RAPGEF6: variants seen among roughly 807,000 people sequenced by gnomAD.
RAPGEF6 encodes the protein Rap guanine nucleotide exchange factor 6, also known as PDZ domain containing guanine nucleotide exchange factor (GEF) 2.
RAPGEF6 carries 56 observed loss-of-function variants against 171.4 expected under a neutral mutation model. That is an observed-to-expected ratio of 0.33 (90% confidence interval 0.26 to 0.41). The LOEUF is 0.41. Ranked by LOEUF, RAPGEF6 falls within the 10% of genes least tolerant of loss-of-function variation. The pLI is 1.00. For synonymous variants in RAPGEF6, 692 were observed against 650.1 expected (o/e 1.06, Z -0.98); for missense variants, 1,674 against 1,921.4 (o/e 0.87, Z 2.41).
intron 17 of RAPGEF6, among the ~76,000 whole-genome samples, chr5:131,465,089 T>C (rs573091487): frequency 6.6e-6 from 1 of 152,274 alleles, no homozygotes; most frequent in African/African-American, 2.4e-5. Context: ...GTATCCCTTA[T>C]GTTTTTTTCC....
intron 15 of RAPGEF6, among the ~76,000 whole-genome samples, chr5:131,482,062 G>A (rs1300987164): frequency 6.6e-6 from 1 of 152,126 alleles, no homozygotes; most frequent in African/African-American, 2.4e-5. Context: ...GTATTCACTT[G>A]TAAATCTGGA....
intron 15 of RAPGEF6, among the ~76,000 whole-genome samples, chr5:131,481,075 A>G (rs1268325284): frequency 1.3e-5 from 2 of 151,980 alleles, no homozygotes; most frequent in Non-Finnish European, 2.9e-5. Context: ...ACAGACATGC[A>G]TCACCACACC....
rs1765800430 is a variant in RAPGEF6 at position 131,624,696 on chromosome 5, CA to C, written c.69+10265del. On this transcript the variant is annotated intron_variant, in intron 1 of 27. Transcript: ENST00000509018. ...TCAAAGGCACAAAGAAAAAAATCTG[CA>C]ATGACAGAACCAGAAGAGTGGTTTC... Among the ~76,000 whole-genome samples the C allele has an allele frequency of 2.0e-5, 3 of 152,286 alleles. No individual in the cohort carries two copies. In the South Asian group the frequency reaches 6.2e-4, roughly 32 times the overall value.
At chr5:131,465,508 G>C (rs1050581069) in intron 17 of RAPGEF6, among the ~76,000 whole-genome samples, 2 of 152,064 alleles carry the variant, frequency 1.3e-5, no homozygotes, top group Non-Finnish European at 2.9e-5. Flanking sequence ...ATACAGGCTG[G>C]GTATGACTCA....
At chr5:131,544,447 CA>C (rs3058500) in intron 6 of RAPGEF6, among the ~76,000 whole-genome samples, 8 of 151,602 alleles carry the variant, frequency 5.3e-5, no homozygotes, top group East Asian at 1.9e-4. Context: ...CCCACCCCCC[CA>C]AAAAAAATCC....
chr5:131,428,738 A>G (rs933643119), intron 27 of RAPGEF6, among the ~76,000 whole-genome samples, 164 bp downstream of exon 27: 3 of 152,186 alleles, frequency 2.0e-5, no homozygotes, highest in African/African-American at 7.2e-5. Flanking sequence ...CTGGGATTAC[A>G]GGTGTGAGCC....
At chr5:131,532,391 C>G (rs1385403698) in intron 6 of RAPGEF6, 2 of 220,442 alleles carry the variant, frequency 9.1e-6, no homozygotes, top group Non-Finnish European at 1.9e-5. Context: ...AATTCTGGCT[C>G]AGAATATACA....
intron 23 of RAPGEF6, among the ~76,000 whole-genome samples, 193 bp downstream of exon 23, chr5:131,442,156 T>A (rs1752426034): frequency 6.6e-6 from 1 of 152,252 alleles, no homozygotes; most frequent in Non-Finnish European, 1.5e-5. Context: ...AAATTCAATG[T>A]TGGCATTTAA....
chr5:131,634,579 A>T (rs1352915537), intron 1 of RAPGEF6, among the ~76,000 whole-genome samples: 1 of 152,172 alleles, frequency 6.6e-6, no homozygotes, highest in Non-Finnish European at 1.5e-5. Flanking sequence ...TTAAAGAAAA[A>T]CTATTTCTAA....
chr5:131,485,996 A>G (rs374795523), intron 15 of RAPGEF6, among the ~76,000 whole-genome samples: 5 of 152,290 alleles, frequency 3.3e-5, no homozygotes, highest in African/African-American at 1.2e-4. Context: ...AGTATCCTCT[A>G]AAGAACATAT....
intron 5 of RAPGEF6, 32 bp downstream of exon 5, chr5:131,561,945 CA>C: frequency 6.6e-7 from 1 of 1,511,572 alleles, no homozygotes; most frequent in South Asian, 1.2e-5. Context: ...TGAAGCATAT[CA>C]AAAACAATTC....
chr5:131,584,336 A>G (rs1044694032), intron 4 of RAPGEF6, among the ~76,000 whole-genome samples: 1 of 152,240 alleles, frequency 6.6e-6, no homozygotes, highest in Non-Finnish European at 1.5e-5. Flanking sequence ...AGTTATAACC[A>G]TAAGAAAATT....
chr5:131,621,100 G>A (rs1343824572), intron 1 of RAPGEF6, among the ~76,000 whole-genome samples: 1 of 152,136 alleles, frequency 6.6e-6, no homozygotes, highest in East Asian at 1.9e-4. Context: ...CTTGGCATAT[G>A]CTGTTACCCT....
intron 4 of RAPGEF6, among the ~76,000 whole-genome samples, chr5:131,569,436 A>G (rs566997748): frequency 6.6e-6 from 1 of 152,366 alleles, no homozygotes; most frequent in African/African-American, 2.4e-5. Context: ...CTGATTTTCA[A>G]CAAAGGTACC....
intron 1 of RAPGEF6, among the ~76,000 whole-genome samples, chr5:131,614,133 T>A (rs564132323): frequency 1.3e-5 from 2 of 151,880 alleles, no homozygotes; most frequent in South Asian, 2.1e-4. Context: ...AATACAAAGA[T>A]TAGCTGAGCG....
rs538365274 is a variant in RAPGEF6 at position 131,613,263 on chromosome 5, A to G, written c.70-8570T>C. Among the ~76,000 whole-genome samples, 5 of 152,292 alleles carry G rather than the reference A, an allele frequency of 3.3e-5. No individual in the cohort carries two copies. In the South Asian group the frequency reaches 1.0e-3, roughly 32 times the overall value. On this transcript the variant is annotated intron_variant, in intron 1 of 27. Coordinates refer to ENST00000509018, the MANE Select transcript of RAPGEF6 (RefSeq NM_016340.6). ...GTCTCTACTAAACATACAAAGAATT[A>G]GCCGGGCATGGTGGCGGGCGCCTAC...
chr5:131,592,345 C>T (rs1230673115), intron 4 of RAPGEF6, 38 bp downstream of exon 4: 2 of 1,603,526 alleles, frequency 1.2e-6, no homozygotes. Flanking sequence ...AATAGTTTAA[C>T]ATTAACTTTG....
In RAPGEF6 at chr5:131,446,556, G is replaced by A. The variant is rs1440815256; in HGVS notation, c.3348C>T (p.Ser1116=). The change falls in exon 22 of 28, where the codon TCC becomes TCT. Residue 1116 remains serine, a synonymous_variant. Coordinates refer to ENST00000509018, the MANE Select transcript of RAPGEF6 (RefSeq NM_016340.6). ...CCTCATCTGTCTCTACATCGAGACT[G>A]GAAAGATACTGCTTCACCTTCCTTG... ...QMARKVKQYL[S]SLDVETDEEK... 3.1e-6 allele frequency: 5 copies of A among 1,614,226 alleles called. No individual in the cohort carries two copies. In the East Asian group the frequency reaches 6.7e-5, roughly 22 times the overall value.
chr5:131,495,415 T>C, intron 13 of RAPGEF6, 138 bp downstream of exon 13: 1 of 542,784 alleles, frequency 1.8e-6, no homozygotes, highest in East Asian at 3.3e-5. Context: ...TGAACAAAAG[T>C]CTAGAATACA....
Sources: gnomAD v4.1 joint callset for allele counts (sites outside exome capture counted in the v4.1 genomes callset) on GRCh38, gnomAD v4.1.1 for gene constraint, MANE v1.5 for transcripts, NCBI Gene and HGNC (gene_info 2026-07-23, HGNC 2026-07-21) for gene names.